ADARB1: variants seen among roughly 807,000 people sequenced by gnomAD.
ADARB1 encodes the protein adenosine deaminase RNA specific B1.
In ADARB1, 10 loss-of-function variants were observed where a neutral mutation model predicts 52.4. That is an observed-to-expected ratio of 0.19 (90% CI 0.12 to 0.32). The LOEUF is 0.32. Among genes scored for constraint, ADARB1 ranks in the 10% least tolerant of loss-of-function variants. The pLI, the probability that ADARB1 is intolerant of heterozygous loss-of-function variation, is 1.00. For missense variants in ADARB1, 643 were observed against 922.3 expected (o/e 0.70, Z 3.92); for synonymous variants, 349 against 371.1 (o/e 0.94, Z 0.68).
intron 1 of ADARB1, among the ~76,000 whole-genome samples, chr21:45,126,684 C>G (rs1004726431): frequency 6.6e-6 from 1 of 152,192 alleles, no homozygotes; most frequent in Non-Finnish European, 1.5e-5. Flanking sequence ...CCATGCTTTT[C>G]CTGAAACCCC....
chr21:45,176,725 C>CAGCATTTT lies in ADARB1; in HGVS notation c.963+64_963+71dup, dbSNP rs1322737136. The CAGCATTTT allele has an allele frequency of 1.0e-5, 15 of 1,476,554 alleles. No homozygotes were observed. The highest frequency in any genetic ancestry group is 1.3e-5 in the Non-Finnish European group (14 of 1,094,672). The allele number at this position is 1,476,554 out of a possible 1,614,324, so 91.5% of individuals were successfully genotyped here. Reference sequence around the variant, plus strand: ...CATTGCTCTTGGTAATGCTTCTAGACAGCATTTTAGTTTCAGGATTACTGT... The same window carrying CAGCATTTT: ...CATTGCTCTTGGTAATGCTTCTAGACAGCATTTTAGCATTTTAGTTTCAGGATTACTGT... On this transcript the variant is annotated intron_variant, in intron 4 of 10. Transcript: ENST00000348831. The surrounding 1 kb of genome is among the most constrained non-coding windows in gnomAD (Gnocchi z 5.8).
intron 9 of ADARB1, among the ~76,000 whole-genome samples, chr21:45,206,173 T>C (rs994192570): frequency 5.9e-5 from 9 of 152,232 alleles, no homozygotes; most frequent in Non-Finnish European, 1.0e-4. Context: ...GCTCTCTGTC[T>C]TCTGTACTTG....
At position 45,182,568 on chromosome 21, in the gene ADARB1, CTT is replaced by C. The variant is rs373179300; in HGVS notation, c.1079-5_1079-4del. On this transcript the variant is annotated splice_polypyrimidine_tract_variant and intron_variant, in intron 5 of 10. Coordinates refer to ENST00000348831, the MANE Select transcript of ADARB1 (RefSeq NM_001112.4). ...CTGTGAATTACAGAAAATAGTGTCT[CTT>C]TTTTTTTTTTTCAGGCACAGATGTT... The C allele has an allele frequency of 1.6e-3, 2,045 of 1,259,454 alleles. No homozygotes were observed. Among genetic ancestry groups the C allele is most frequent in the Admixed American group, 4.7e-3 (192 of 40,528 alleles). The allele number at this position is 1,259,454 out of a possible 1,614,324, so 78.0% of individuals were successfully genotyped here. A position where few individuals can be genotyped will look rare whatever the true frequency, so the allele number is the denominator to read the frequency against.
At chr21:45,141,800 GC>G (rs2089738936) in intron 2 of ADARB1, among the ~76,000 whole-genome samples, 1 of 151,706 alleles carries the variant, frequency 6.6e-6, no homozygotes, top group South Asian at 2.1e-4. Context: ...CCACGCCTGG[GC>G]CATGTTAACT....
chr21:45,161,624 CTG>C (rs1223676483), intron 2 of ADARB1, among the ~76,000 whole-genome samples: 9 of 152,230 alleles, frequency 5.9e-5, no homozygotes, highest in Non-Finnish European at 1.2e-4. Flanking sequence ...GCCATGCACA[CTG>C]TGGATGGCAG....
Position 45,128,814 on chromosome 21 carries a change from C to A in ADARB1, c.-48+241C>A, listed in dbSNP as rs1212378114. Among the ~76,000 whole-genome samples the A allele has an allele frequency of 6.6e-6, 1 of 152,040 alleles. No individual in the cohort carries two copies. Among genetic ancestry groups the A allele is most frequent in the Non-Finnish European group, 1.5e-5 (1 of 68,008 alleles). ...TGCTGCCCTCCAGTGGCATGTGTGG[C>A]ACCTGCTGCCCTCCAGTGGCATGTG... On this transcript the variant is annotated intron_variant, in intron 2 of 10. Transcript: ENST00000348831. This position sits in a 1 kb window ranked among gnomAD's most constrained non-coding sequence, Gnocchi z 4.6.
chr21:45,137,068 A>G (rs1425201009), intron 2 of ADARB1: 3 of 152,222 alleles, frequency 2.0e-5, no homozygotes, highest in African/African-American at 7.2e-5. Context: ...AGAAATTGGT[A>G]ATTTTCTTTT....
intron 2 of ADARB1, 133 bp from the exon 3 acceptor site, chr21:45,171,477 A>C (rs185328095): frequency 3.2e-6 from 2 of 632,364 alleles, no homozygotes; most frequent in African/African-American, 3.8e-5. Context: ...CTTCTCTAAC[A>C]AGACCTAGTT....
In ADARB1 at chr21:45,222,429, C is replaced by T; in HGVS notation, c.*232C>T. The T allele has an allele frequency of 7.8e-7, 1 of 1,288,674 alleles. No individual in the cohort carries two copies. Among genetic ancestry groups the T allele is most frequent in the Non-Finnish European group, 9.8e-7 (1 of 1,022,652 alleles). The allele number at this position is 1,288,674 out of a possible 1,614,324, so 79.8% of individuals were successfully genotyped here. A position where few individuals can be genotyped will look rare whatever the true frequency, so the allele number is the denominator to read the frequency against. On this transcript the variant is annotated 3_prime_UTR_variant, in exon 11 of 11. Transcript: ENST00000348831. ...GGCCCAGCATCGCCGCCTGGCATCT[C>T]TCTGCCGCAGCATTTCCCCTTCTGA...
At chr21:45,111,591 A>C (rs2087538303) in intron 1 of ADARB1, among the ~76,000 whole-genome samples, 1 of 152,202 alleles carries the variant, frequency 6.6e-6, no homozygotes, top group South Asian at 2.1e-4. Flanking sequence ...CATTGCCCTT[A>C]AAGTCCTATG....
chr21:45,119,400 C>T lies in ADARB1; in HGVS notation c.-219-9002C>T, dbSNP rs114654495. ...CTAGCCTAAAAGCCTTTTTAGATCACTCTCAGTGGCAAAATTAGTGCCTTG... is the reference window on the plus strand; with the variant it reads ...CTAGCCTAAAAGCCTTTTTAGATCATTCTCAGTGGCAAAATTAGTGCCTTG... On this transcript the variant is annotated intron_variant, in intron 1 of 10. Coordinates refer to ENST00000348831, the MANE Select transcript of ADARB1 (RefSeq NM_001112.4). Among the ~76,000 whole-genome samples the T allele has an allele frequency of 6.3e-3, 959 of 152,366 alleles. 7 individuals carry two copies. Among genetic ancestry groups the T allele is most frequent in the African/African-American group, 0.022 (921 of 41,588 alleles).
chr21:45,194,516 CT>C (rs2146287214), intron 8 of ADARB1, among the ~76,000 whole-genome samples: 1 of 151,094 alleles, frequency 6.6e-6, no homozygotes, highest in African/African-American at 2.4e-5. Context: ...CTGTTCACCC[CT>C]CTCACCTCCT....
At chr21:45,184,558 C>A in intron 7 of ADARB1, 2 of 363,634 alleles carry the variant, frequency 5.5e-6, no homozygotes, top group South Asian at 2.1e-5. Flanking sequence ...TTAAGCGATC[C>A]TTCCACCTCA....
chr21:45,105,775 A>G (rs2087224278), intron 1 of ADARB1, among the ~76,000 whole-genome samples: 1 of 152,260 alleles, frequency 6.6e-6, no homozygotes, highest in Non-Finnish European at 1.5e-5. Context: ...TGTTGGTTGC[A>G]AGAAGATAGG....
At position 45,208,118 on chromosome 21, in the gene ADARB1, T is replaced by A. The variant is rs1024420744; in HGVS notation, c.1747+3382T>A. ...AGTTTCACATCCAGCACTTGCAAGT[T>A]TCAGGACAATTCCAGCTTCTTATTT... On this transcript the variant is annotated intron_variant, in intron 9 of 10. Coordinates refer to ENST00000348831, the MANE Select transcript of ADARB1 (RefSeq NM_001112.4). The surrounding 1 kb of genome is among the most constrained non-coding windows in gnomAD (Gnocchi z 5.6). Among the ~76,000 whole-genome samples, 1 of 152,046 alleles carries A rather than the reference T, an allele frequency of 6.6e-6. No individual in the cohort carries two copies. Among genetic ancestry groups the A allele is most frequent in the Non-Finnish European group, 1.5e-5 (1 of 68,028 alleles).
chr21:45,131,402 T>C (rs771997250), intron 2 of ADARB1, among the ~76,000 whole-genome samples: 1 of 152,214 alleles, frequency 6.6e-6, no homozygotes, highest in Non-Finnish European at 1.5e-5. Context: ...ATGTTAAAAG[T>C]ATAGAAAAAT....
At chr21:45,119,174 C>T (rs2088004265) in intron 1 of ADARB1, among the ~76,000 whole-genome samples, 1 of 152,176 alleles carries the variant, frequency 6.6e-6, no homozygotes, top group African/African-American at 2.4e-5. Flanking sequence ...ACTGCAGCCT[C>T]CACCTTCTGG....
chr21:45,121,504 T>C (rs1233331581), intron 1 of ADARB1, among the ~76,000 whole-genome samples: 2 of 152,188 alleles, frequency 1.3e-5, no homozygotes, highest in Non-Finnish European at 2.9e-5. Context: ...CTGTGCTGTG[T>C]CTGGGTTCAT....
chr21:45,221,927 G>A lies in ADARB1; in HGVS notation c.1927-91G>A. ...TGCTTTCCCCCCAGAAGCCAATGCA[G>A]TTCTGAAGGCCATGTTTTGGTATCT... On this transcript the variant is annotated intron_variant, in intron 10 of 10. Transcript: ENST00000348831. This position sits in a 1 kb window ranked among gnomAD's most constrained non-coding sequence, Gnocchi z 4.9. 1 of 1,420,002 alleles carries A rather than the reference G, an allele frequency of 7.0e-7. No homozygotes were observed. The highest frequency in any genetic ancestry group is 9.7e-7 in the Non-Finnish European group (1 of 1,035,054). The allele number at this position is 1,420,002 out of a possible 1,614,324, so 88.0% of individuals were successfully genotyped here.
Sources: allele counts gnomAD v4.1 joint callset (sites outside exome capture counted in the v4.1 genomes callset), GRCh38; gene constraint gnomAD v4.1.1; non-coding constraint Gnocchi (gnomAD v3.1); transcripts MANE v1.5; gene names NCBI Gene and HGNC (gene_info 2026-07-23, HGNC 2026-07-21).